Variants in GRIK1 observed in about 807,000 individuals in gnomAD.
GRIK1 encodes the protein glutamate receptor ionotropic, kainate 1.
GRIK1 carries 69 observed loss-of-function variants against 105.7 expected under a neutral mutation model. The observed-to-expected ratio is 0.65, with a 90% CI of 0.54 to 0.80. The LOEUF (loss-of-function observed/expected upper bound fraction) is 0.80, where lower values mean the gene tolerates loss of function less well. Among genes scored for constraint, GRIK1 ranks in the 30% least tolerant of loss-of-function variants. The pLI is 0.00. For synonymous variants in GRIK1, 438 were observed against 431.3 expected (o/e 1.02, Z -0.19); for missense variants, 1,109 against 1,167.3 (o/e 0.95, Z 0.73).
Position 29,577,065 on chromosome 21 carries a change from C to G in GRIK1, c.2029G>C (p.Glu677Gln), listed in dbSNP as rs1266308913. The change falls in exon 14 of 18, where the codon GAG becomes CAG. Residue 677 changes from glutamate (E) to glutamine (Q), a missense_variant. Coordinates refer to ENST00000327783, the MANE Select transcript of GRIK1 (RefSeq NM_001330994.2). ...TANLAAFLTVERMESPIDSAD... is the reference protein window; with the variant it reads ...TANLAAFLTVQRMESPIDSAD... The stretch of plus-strand genomic sequence containing the variant: ...GAATCTATGGGGGATTCCATTCTCT[C>G]TACTGTCAAGAAGGCAGCCAGATTG... 3 of 1,613,292 alleles carry G rather than the reference C, an allele frequency of 1.9e-6. No individual in the cohort carries two copies. In the East Asian group the frequency reaches 6.7e-5, roughly 36 times the overall value.
At chr21:29,855,874 T>C (rs1171784330) in intron 1 of GRIK1, among the ~76,000 whole-genome samples, 1 of 152,136 alleles carries the variant, frequency 6.6e-6, no homozygotes, top group African/African-American at 2.4e-5. Context: ...GATTTTTTTT[T>C]CAAGAAGAAT....
intron 1 of GRIK1, among the ~76,000 whole-genome samples, chr21:29,823,458 A>G (rs531871969): frequency 4.4e-4 from 67 of 152,154 alleles, no homozygotes; most frequent in African/African-American, 1.4e-3. Flanking sequence ...TACATAAAAT[A>G]TAATGTAAAT....
chr21:29,894,876 T>C (rs1037792435), intron 1 of GRIK1, among the ~76,000 whole-genome samples: 90 of 152,220 alleles, frequency 5.9e-4, no homozygotes, highest in African/African-American at 2.1e-3. Flanking sequence ...CCCCTTCTCC[T>C]GACAGATGGT....
intron 15 of GRIK1, among the ~76,000 whole-genome samples, chr21:29,556,095 G>A (rs569568671): frequency 6.6e-6 from 1 of 152,280 alleles, no homozygotes; most frequent in East Asian, 1.9e-4. Context: ...ACCCTTGCAT[G>A]CCATTGTGTC....
At chr21:29,847,815 C>T (rs372099526) in intron 1 of GRIK1, among the ~76,000 whole-genome samples, 1 of 152,080 alleles carries the variant, frequency 6.6e-6, no homozygotes, top group South Asian at 2.1e-4. Flanking sequence ...CAAGAACACA[C>T]CTAATCATTC....
chr21:29,810,125 C>A lies in GRIK1; in HGVS notation c.119-116062G>T, dbSNP rs145844722. Among the ~76,000 whole-genome samples the A allele has an allele frequency of 7.4e-3, 1,132 of 151,986 alleles. 7 individuals are homozygous for A. The highest frequency in any genetic ancestry group is 0.011 in the Admixed American group (168 of 15,246). On this transcript the variant is annotated intron_variant, in intron 1 of 17. Coordinates refer to ENST00000327783, the MANE Select transcript of GRIK1 (RefSeq NM_001330994.2). ...CCAGTATTGCCAACATGGTGAAACC[C>A]CATCTCTACTAAAAATACAAAATTA...
chr21:29,819,957 G>A (rs1487460232), intron 1 of GRIK1, among the ~76,000 whole-genome samples: 1 of 151,940 alleles, frequency 6.6e-6, no homozygotes, highest in East Asian at 1.9e-4. Context: ...TGAGTCTGAA[G>A]CAGAGGCTAG....
intron 1 of GRIK1, among the ~76,000 whole-genome samples, chr21:29,727,843 T>TGCCCATAATCTGATTATG (rs2064508475): frequency 6.6e-6 from 1 of 152,188 alleles, no homozygotes; most frequent in Non-Finnish European, 1.5e-5. Context: ...CTCCATCATC[T>TGCCCATAATCTGATTATG]GCCCATAATC....
In GRIK1 at chr21:29,864,985, G is replaced by A. The variant is rs550290058; in HGVS notation, c.118+74398C>T. On this transcript the variant is annotated intron_variant, in intron 1 of 17. Coordinates refer to ENST00000327783, the MANE Select transcript of GRIK1 (RefSeq NM_001330994.2). The stretch of plus-strand genomic sequence containing the variant: ...TAAGCATCCTACAACATTCAGAACA[G>A]TCCCACAATGAAGCATTATCCAGCT... Among the ~76,000 whole-genome samples, 3 of 152,294 alleles carry A rather than the reference G, an allele frequency of 2.0e-5. No homozygotes were observed. The East Asian group carries it at 5.8e-4, about 29-fold the overall frequency.
At chr21:29,795,857 T>C (rs950042784) in intron 1 of GRIK1, among the ~76,000 whole-genome samples, 2 of 152,212 alleles carry the variant, frequency 1.3e-5, no homozygotes, top group African/African-American at 4.8e-5. Flanking sequence ...TATCAACTTT[T>C]TCTTTTTTTC....
intron 3 of GRIK1, among the ~76,000 whole-genome samples, chr21:29,676,789 A>G (rs188975671): frequency 6.6e-6 from 1 of 152,334 alleles, no homozygotes; most frequent in East Asian, 1.9e-4. Flanking sequence ...CTCTTTAAAA[A>G]TGTCAATGTC....
At position 29,877,629 on chromosome 21, in the gene GRIK1, G is replaced by A. The variant is rs186498628; in HGVS notation, c.118+61754C>T. The stretch of plus-strand genomic sequence containing the variant: ...ATCATACTGGAAACACTTGGTAGCA[G>A]ATATAACCCCTATTATTCTTTTATG... On this transcript the variant is annotated intron_variant, in intron 1 of 17. Coordinates refer to ENST00000327783, the MANE Select transcript of GRIK1 (RefSeq NM_001330994.2). 2.4e-3 allele frequency among the ~76,000 whole-genome samples: 372 copies of A among 152,260 alleles called. 1 individual carries two copies. The highest frequency in any genetic ancestry group is 8.6e-3 in the African/African-American group (356 of 41,546).
intron 1 of GRIK1, among the ~76,000 whole-genome samples, chr21:29,705,976 C>A (rs531906285): frequency 6.6e-6 from 1 of 151,012 alleles, no homozygotes; most frequent in African/African-American, 2.4e-5. Flanking sequence ...CGGGTTCAAG[C>A]GATTCTCCTG....
At chr21:29,882,626 C>T (rs187091177) in intron 1 of GRIK1, among the ~76,000 whole-genome samples, 2 of 152,068 alleles carry the variant, frequency 1.3e-5, no homozygotes, top group Non-Finnish European at 2.9e-5. Context: ...AAAGAACTTA[C>T]AAAGGGAAAA....
At chr21:29,865,840 C>A (rs1427694710) in intron 1 of GRIK1, among the ~76,000 whole-genome samples, 1 of 152,142 alleles carries the variant, frequency 6.6e-6, no homozygotes, top group Admixed American at 6.5e-5. Flanking sequence ...TGTGGCATGA[C>A]CCCCAAATGT....
chr21:29,891,442 T>C (rs1233855809), intron 1 of GRIK1, among the ~76,000 whole-genome samples: 1 of 152,242 alleles, frequency 6.6e-6, no homozygotes, highest in East Asian at 1.9e-4. Flanking sequence ...ATCACAATGA[T>C]AGCCTGTGTG....
rs965986320 is a variant in GRIK1, at chr21:29,706,424, A to G, written c.119-12361T>C. Among the ~76,000 whole-genome samples, 165 of 152,060 alleles carry G rather than the reference A, an allele frequency of 1.1e-3. 13 individuals carry two copies. Among genetic ancestry groups the G allele is most frequent in the Middle Eastern group, 3.4e-3 (1 of 294 alleles). On this transcript the variant is annotated intron_variant, in intron 1 of 17. Transcript: ENST00000327783. The stretch of plus-strand genomic sequence containing the variant: ...TTTTCCTTTAAAGTGTCTGATTGAA[A>G]CTCTGTATTTACTATTGTTCATAAG...
chr21:29,633,737 C>T (rs937245457), intron 7 of GRIK1, among the ~76,000 whole-genome samples: 4 of 152,030 alleles, frequency 2.6e-5, no homozygotes, highest in Non-Finnish European at 4.4e-5. Flanking sequence ...TTCCTTAGGT[C>T]TAAATATCCT....
intron 7 of GRIK1, among the ~76,000 whole-genome samples, chr21:29,618,185 C>A (rs1016642161): frequency 1.1e-4 from 16 of 152,140 alleles, no homozygotes; most frequent in African/African-American, 3.9e-4. Flanking sequence ...TGCAATTATC[C>A]CTATTAATGT....
Sources: gnomAD v4.1 joint callset for allele counts (sites outside exome capture counted in the v4.1 genomes callset) on GRCh38, gnomAD v4.1.1 for gene constraint, MANE v1.5 for transcripts, NCBI Gene and HGNC (gene_info 2026-07-23, HGNC 2026-07-21) for gene names.